Variants in PRDM11 observed in about 807,000 individuals in gnomAD.
PRDM11 encodes PR domain-containing protein 11.
PRDM11 carries 20 observed loss-of-function variants against 97.8 expected under a neutral mutation model. That is an observed-to-expected ratio of 0.20 (90% confidence interval 0.14 to 0.30). The LOEUF is 0.30. PRDM11 is among the 10% of genes least tolerant of loss of function. PRDM11 has a pLI of 1.00. For missense variants in PRDM11, 1,139 were observed against 1,555.2 expected, an observed-to-expected ratio of 0.73 and a Z score of 4.50; for synonymous variants, 599 against 637.7, an observed-to-expected ratio of 0.94 and a Z score of 0.91.
chr11:45,100,957 G>T (rs1357679490), intron 1 of PRDM11, among the ~76,000 whole-genome samples: 2 of 152,188 alleles, frequency 1.3e-5, no homozygotes, highest in Non-Finnish European at 1.5e-5. Flanking sequence ...TGCACCCAGG[G>T]ATATCTAATC....
chr11:45,179,865 G>C (rs1263290969), intron 1 of PRDM11, among the ~76,000 whole-genome samples: 1 of 152,246 alleles, frequency 6.6e-6, no homozygotes, highest in African/African-American at 2.4e-5. Flanking sequence ...AACCACTGAG[G>C]CTCCACCCCA....
At chr11:45,119,995 C>A (rs192187403) in intron 1 of PRDM11, among the ~76,000 whole-genome samples, 1 of 152,038 alleles carries the variant, frequency 6.6e-6, no homozygotes, top group Non-Finnish European at 1.5e-5. Context: ...GGAAAAGATG[C>A]GCAAGATGGA....
chr11:45,133,405 G>T (rs1852763349), intron 1 of PRDM11, among the ~76,000 whole-genome samples: 1 of 152,148 alleles, frequency 6.6e-6, no homozygotes, highest in African/African-American at 2.4e-5. Flanking sequence ...TGCTCTCTTG[G>T]TTCCCAAGAT....
upstream of PRDM11, among the ~76,000 whole-genome samples, chr11:45,145,381 T>C (rs970663435): frequency 6.6e-6 from 1 of 151,968 alleles, no homozygotes; most frequent in African/African-American, 2.4e-5. Flanking sequence ...ACATCCAGAT[T>C]CCAAAAGCCA....
intron 1 of PRDM11, among the ~76,000 whole-genome samples, chr11:45,127,765 C>T (rs12294832): frequency 0.039 from 5,987 of 152,280 alleles, 410 homozygotes; most frequent in African/African-American, 0.14. Flanking sequence ...CTGCCCCTAC[C>T]GGGGGGTGCC....
intron 5 of PRDM11, among the ~76,000 whole-genome samples, chr11:45,218,071 G>T (rs1854009166): frequency 6.6e-6 from 1 of 151,916 alleles, no homozygotes; most frequent in Non-Finnish European, 1.5e-5. Context: ...TGTCATAAAA[G>T]ATTCTTTGAA....
At chr11:45,136,180 T>G (rs12280738) in intron 1 of PRDM11, among the ~76,000 whole-genome samples, 5,997 of 152,298 alleles carry the variant, frequency 0.039, 414 homozygotes, top group African/African-American at 0.14. Context: ...AACCTAAAAT[T>G]GTTTTAAAAC....
intron 4 of PRDM11, among the ~76,000 whole-genome samples, chr11:45,201,516 C>T (rs573712550): frequency 1.3e-5 from 2 of 151,860 alleles, no homozygotes; most frequent in Admixed American, 6.6e-5. Context: ...CTTTTAGAAA[C>T]AGGATCTTGC....
In PRDM11 at chr11:45,224,774, G is replaced by A. The variant is rs1367048693; in HGVS notation, c.1300G>A (p.Gly434Arg). 6.2e-7 allele frequency: 1 copy of A among 1,614,072 alleles called. No individual in the cohort carries two copies. Among genetic ancestry groups the A allele is most frequent in the Non-Finnish European group, 8.5e-7 (1 of 1,180,050 alleles). ...LQAELDMLKS[G>R]KLPEPPVLPP... Reference sequence around the variant, plus strand: ...GGCAGAATTAGACATGCTTAAGTCTGGGAAACTTCCTGAGCCCCCCGTATT... The same window carrying A: ...GGCAGAATTAGACATGCTTAAGTCTAGGAAACTTCCTGAGCCCCCCGTATT... The change falls in exon 7 of 8, where the codon GGG becomes AGG. Residue 434 changes from glycine to arginine, a missense_variant. By Grantham distance (125) the Gly-to-Arg change is moderately radical. Coordinates refer to ENST00000683152, the MANE Select transcript of PRDM11 (RefSeq NM_001384648.1).
chr11:45,151,959 C>T (rs1338801132), intron 1 of PRDM11, among the ~76,000 whole-genome samples: 1 of 152,166 alleles, frequency 6.6e-6, no homozygotes, highest in African/African-American at 2.4e-5. Flanking sequence ...TGGTCCTCGG[C>T]ATTGGTTGCA....
At chr11:45,212,764 G>A (rs1291224149) in intron 5 of PRDM11, 3 of 456,314 alleles carry the variant, frequency 6.6e-6, no homozygotes, top group African/African-American at 6.0e-5. Flanking sequence ...AGTTCTGCCA[G>A]GAGCTGGTGA....
chr11:45,181,695 C>G (rs987962339), intron 1 of PRDM11, 66 bp from the exon 2 acceptor site: 1 of 1,399,806 alleles, frequency 7.1e-7, no homozygotes, highest in Non-Finnish European at 9.9e-7. Flanking sequence ...CCCTCTCCGC[C>G]GCTCACTCCT....
chr11:45,170,343 A>C (rs1038567564), intron 1 of PRDM11, among the ~76,000 whole-genome samples: 1 of 99,596 alleles, frequency 1.0e-5, no homozygotes, highest in African/African-American at 3.0e-5. Context: ...ACACTGTCTC[A>C]AAAAAAAAAG....
At chr11:45,197,862 G>C (rs1008374359) in intron 4 of PRDM11, among the ~76,000 whole-genome samples, 61 of 152,198 alleles carry the variant, frequency 4.0e-4, no homozygotes, top group African/African-American at 1.5e-3. Flanking sequence ...CACACACCAG[G>C]GCCTGTCGTG....
At chr11:45,213,119 G>A (rs1853826109) in intron 5 of PRDM11, 1 of 456,392 alleles carries the variant, frequency 2.2e-6, no homozygotes, top group African/African-American at 2.0e-5. Context: ...AGTCTTTCGT[G>A]TCCAGGAACA....
At chr11:45,140,417 G>A (rs113159373) in intron 1 of PRDM11, among the ~76,000 whole-genome samples, 25 of 152,172 alleles carry the variant, frequency 1.6e-4, no homozygotes, top group African/African-American at 5.6e-4. Context: ...ATTCTTTCAC[G>A]ACAGTGCTCT....
At chr11:45,175,919 A>T (rs55909799) in intron 1 of PRDM11, among the ~76,000 whole-genome samples, 2 of 152,182 alleles carry the variant, frequency 1.3e-5, no homozygotes, top group Non-Finnish European at 2.9e-5. Flanking sequence ...TAATGTCTTC[A>T]TGGTTTTCCT....
At chr11:45,186,601 C>A (rs1852713503) in intron 4 of PRDM11, among the ~76,000 whole-genome samples, 1 of 152,048 alleles carries the variant, frequency 6.6e-6, no homozygotes. Context: ...TCCTTGGCCC[C>A]CTTGGCAGGA....
chr11:45,099,486 T>C (rs1315813160), intron 1 of PRDM11, among the ~76,000 whole-genome samples: 2 of 147,478 alleles, frequency 1.4e-5, no homozygotes, highest in Non-Finnish European at 3.0e-5. Context: ...TCACAGGCTC[T>C]GGCCCCACAT....
Sources: allele counts gnomAD v4.1 joint callset (sites outside exome capture counted in the v4.1 genomes callset), GRCh38; gene constraint gnomAD v4.1.1; transcripts MANE v1.5; gene names NCBI Gene and HGNC (gene_info 2026-07-23, HGNC 2026-07-21).